Variants in ENPP4 observed in about 807,000 individuals in gnomAD.
The protein encoded by ENPP4 is ectonucleotide pyrophosphatase/phosphodiesterase 4.
Under a neutral mutation model 33.4 loss-of-function variants are expected in ENPP4, and 18 were observed. That is an observed-to-expected ratio of 0.54 (90% CI 0.37 to 0.80). The LOEUF is 0.80. ENPP4 is among the 30% of genes least tolerant of loss of function. ENPP4 has a pLI of 0.00. For synonymous variants in ENPP4, 172 were observed against 189.9 expected (o/e 0.91, Z 0.78); for missense variants, 480 against 541.7 (o/e 0.89, Z 1.13).
At chr6:46,136,563 G>C (rs1044965210) in intron 1 of ENPP4, among the ~76,000 whole-genome samples, 7 of 151,996 alleles carry the variant, frequency 4.6e-5, no homozygotes, top group Non-Finnish European at 8.8e-5. Context: ...AGTTATTTCT[G>C]TATTTATTTC....
At chr6:46,138,110 T>G (rs1231658819) in intron 1 of ENPP4, among the ~76,000 whole-genome samples, 1 of 151,838 alleles carries the variant, frequency 6.6e-6, no homozygotes, top group East Asian at 1.9e-4. Flanking sequence ...CTTGTTGCAT[T>G]CTAACTGCAA....
intron 1 of ENPP4, among the ~76,000 whole-genome samples, chr6:46,135,166 C>T: frequency 6.6e-6 from 1 of 152,008 alleles, no homozygotes; most frequent in South Asian, 2.1e-4. Context: ...TTTGTGTGGA[C>T]ATATGTTTTC....
chr6:46,133,812 T>C (rs1035550201), intron 1 of ENPP4, among the ~76,000 whole-genome samples: 1 of 152,164 alleles, frequency 6.6e-6, no homozygotes, highest in Non-Finnish European at 1.5e-5. Context: ...TAACACTCCC[T>C]ATTAGAATGA....
At chr6:46,130,939 G>A (rs1288544040) in intron 1 of ENPP4, among the ~76,000 whole-genome samples, 2 of 152,178 alleles carry the variant, frequency 1.3e-5, no homozygotes, top group Non-Finnish European at 2.9e-5. Flanking sequence ...AAGTCTGAAG[G>A]AAGATTTGCC....
chr6:46,130,271 G>C (rs1320527395), intron 1 of ENPP4, 82 bp downstream of exon 1: 1 of 152,236 alleles, frequency 6.6e-6, no homozygotes, highest in African/African-American at 2.4e-5. Flanking sequence ...TGAAAATAGA[G>C]ATGGTGAGAC....
intron 3 of ENPP4, among the ~76,000 whole-genome samples, chr6:46,142,549 G>A (rs1417622880): frequency 6.8e-6 from 1 of 148,070 alleles, no homozygotes; most frequent in Non-Finnish European, 1.5e-5. Flanking sequence ...TGTCATATTG[G>A]TTATTTTTAT....
chr6:46,139,431 A>T (rs1476432618), intron 1 of ENPP4, 120 bp from the exon 2 acceptor site: 6 of 565,930 alleles, frequency 1.1e-5, no homozygotes, highest in Middle Eastern at 4.7e-4. Context: ...GTATTATTTA[A>T]GTTAATATAG....
intron 3 of ENPP4, 25 bp from the exon 4 acceptor site, chr6:46,143,251 C>G (rs748255679): frequency 1.3e-6 from 2 of 1,533,208 alleles, no homozygotes; most frequent in South Asian, 1.3e-5. Flanking sequence ...ATCTTATTGA[C>G]TGATGTTGTT....
chr6:46,141,268 C>G (rs1348326205), intron 3 of ENPP4, 46 bp downstream of exon 3: 9 of 1,403,264 alleles, frequency 6.4e-6, no homozygotes, highest in Non-Finnish European at 9.0e-6. Context: ...AGGAACAAAT[C>G]ATACCTTGTG....
At chr6:46,139,520 A>T in intron 1 of ENPP4, 31 bp from the exon 2 acceptor site, 1 of 853,464 alleles carries the variant, frequency 1.2e-6, no homozygotes, top group Non-Finnish European at 1.9e-6. Context: ...AAATAGAATT[A>T]CTACTTATGA....
At chr6:46,139,099 C>A (rs1256304513) in intron 1 of ENPP4, among the ~76,000 whole-genome samples, 1 of 151,726 alleles carries the variant, frequency 6.6e-6, no homozygotes, top group Non-Finnish European at 1.5e-5. Flanking sequence ...GGTAGAATTT[C>A]CACCAATTAT....
chr6:46,141,018 CTTGTTTCCT>C (rs1764053138), intron 2 of ENPP4, 25 bp from the exon 3 acceptor site: 1 of 1,440,928 alleles, frequency 6.9e-7, no homozygotes, highest in Non-Finnish European at 9.5e-7. Flanking sequence ...TCAATCATAA[CTTGTTTCCT>C]TTGCTGTTTC....
intron 1 of ENPP4, among the ~76,000 whole-genome samples, chr6:46,132,413 T>A (rs903159064): frequency 7.9e-5 from 12 of 152,366 alleles, no homozygotes; most frequent in Non-Finnish European, 1.3e-4. Context: ...AAATAGGGAA[T>A]ACTTTCCCCA....
Position 46,141,215 on chromosome 6 carries a change from A to C in ENPP4, c.990A>C (p.Ser330=), listed in dbSNP as rs1283648041. The C allele has an allele frequency of 6.2e-7, 1 of 1,606,154 alleles. No homozygotes were observed. The highest frequency in any genetic ancestry group is 8.5e-7 in the Non-Finnish European group (1 of 1,174,640). ...EGWTIVLNES[S]QKLGDHGYDN... ...GGACAATTGTGCTAAATGAATCATC[A>C]CAAAAATGTAAGTATTTAGTTGAGA... The change falls in exon 3 of 4, where the codon TCA becomes TCC. Residue 330 remains serine (S), a synonymous_variant. Coordinates refer to ENST00000321037, the MANE Select transcript of ENPP4 (RefSeq NM_014936.5).
Position 46,139,876 on chromosome 6 carries a change from C to T in ENPP4, c.293C>T (p.Thr98Ile). The T allele has an allele frequency of 2.5e-6, 4 of 1,612,694 alleles. No individual in the cohort carries two copies. The highest frequency in any genetic ancestry group is 2.2e-5 in the South Asian group (2 of 91,062). Reference protein sequence around the residue: ...IVANSMYDAVTKKHFSDSNDK... With the variant: ...IVANSMYDAVIKKHFSDSNDK... ...GCTAATTCCATGTATGATGCAGTCA[C>T]AAAGAAACACTTTTCTGACTCTAAT... is the stretch of plus-strand genomic sequence containing the variant. The change falls in exon 2 of 4, where the codon ACA becomes ATA. Residue 98 changes from threonine to isoleucine, a missense_variant. By Grantham distance (89) the Thr-to-Ile change is moderately conservative (BLOSUM62 -1). Coordinates refer to ENST00000321037, the MANE Select transcript of ENPP4 (RefSeq NM_014936.5).
intron 3 of ENPP4, among the ~76,000 whole-genome samples, chr6:46,141,691 T>A (rs1054650759): frequency 2.6e-5 from 4 of 151,472 alleles, no homozygotes; most frequent in African/African-American, 9.7e-5. Flanking sequence ...ATCCACCAAG[T>A]GAACAAAATA....
chr6:46,131,513 T>C (rs1043713451), intron 1 of ENPP4, among the ~76,000 whole-genome samples: 5 of 152,162 alleles, frequency 3.3e-5, no homozygotes, highest in South Asian at 4.1e-4. Context: ...CTGCATAGTA[T>C]TCCATGGTGT....
intron 1 of ENPP4, among the ~76,000 whole-genome samples, chr6:46,138,319 G>T (rs1477353428): frequency 6.6e-6 from 1 of 151,664 alleles, no homozygotes; most frequent in East Asian, 1.9e-4. Context: ...TCAGTTTCTG[G>T]CAGAATCTCA....
At chr6:46,133,718 T>C (rs1395704526) in intron 1 of ENPP4, among the ~76,000 whole-genome samples, 1 of 152,220 alleles carries the variant, frequency 6.6e-6, no homozygotes, top group Non-Finnish European at 1.5e-5. Context: ...TGTTTTATAC[T>C]GTAACAGTTT....
Sources: gnomAD v4.1 joint callset for allele counts (sites outside exome capture counted in the v4.1 genomes callset) on GRCh38, gnomAD v4.1.1 for gene constraint, MANE v1.5 for transcripts, NCBI Gene and HGNC (gene_info 2026-07-23, HGNC 2026-07-21) for gene names.